The following SGCZ variants were observed in gnomAD, a reference collection of about 807,000 sequenced individuals.
SGCZ encodes sarcoglycan zeta.
A neutral mutation model predicts 41.3 loss-of-function variants in SGCZ; 40 were observed. The ratio of observed to expected loss-of-function variants is 0.97; its 90% CI spans 0.75 to 1.26. SGCZ has a LOEUF of 1.26. Among genes scored for constraint, SGCZ ranks in the 50% most tolerant of loss-of-function variants. The pLI, the probability that SGCZ is intolerant of heterozygous loss-of-function variation, is 0.00. For missense variants in SGCZ, 552 were observed against 369.8 expected, an observed-to-expected ratio of 1.49 and a Z score of -4.04; for synonymous variants, 206 against 137.5, an observed-to-expected ratio of 1.50 and a Z score of -3.49.
At chr8:14,344,612 G>C (rs887818130) in intron 2 of SGCZ, among the ~76,000 whole-genome samples, 1 of 152,048 alleles carries the variant, frequency 6.6e-6, no homozygotes, top group East Asian at 1.9e-4. Flanking sequence ...GGGAACGAAA[G>C]GCTTAGAAAA....
At chr8:15,189,240 A>C (rs1426207633) in intron 1 of SGCZ, among the ~76,000 whole-genome samples, 1 of 152,350 alleles carries the variant, frequency 6.6e-6, no homozygotes, top group Admixed American at 6.5e-5. Context: ...CAATTTTGTC[A>C]GAAAGTAAAG....
chr8:15,011,850 T>C (rs2130927308), intron 1 of SGCZ, among the ~76,000 whole-genome samples: 1 of 152,336 alleles, frequency 6.6e-6, no homozygotes, highest in South Asian at 2.1e-4. Context: ...TGGTGGCTTT[T>C]AAAATCACAA....
intron 2 of SGCZ, among the ~76,000 whole-genome samples, chr8:14,529,730 A>G (rs1158860983): frequency 6.6e-6 from 1 of 152,098 alleles, no homozygotes; most frequent in Non-Finnish European, 1.5e-5. Flanking sequence ...CAATTTTAGC[A>G]ACTACTGTAT....
At chr8:15,160,113 G>C (rs1186978649) in intron 1 of SGCZ, among the ~76,000 whole-genome samples, 1 of 152,016 alleles carries the variant, frequency 6.6e-6, no homozygotes, top group African/African-American at 2.4e-5. Flanking sequence ...TGTATAACCA[G>C]TCTCCAAAAC....
At chr8:14,565,813 A>G (rs985088313) in intron 1 of SGCZ, among the ~76,000 whole-genome samples, 2 of 152,174 alleles carry the variant, frequency 1.3e-5, no homozygotes, top group African/African-American at 4.8e-5. Flanking sequence ...GATGGCTTCC[A>G]TAACACTGAT....
At chr8:14,596,392 T>C (rs1326731677) in intron 1 of SGCZ, among the ~76,000 whole-genome samples, 1 of 152,136 alleles carries the variant, frequency 6.6e-6, no homozygotes, top group African/African-American at 2.4e-5. Context: ...TGAACGACAA[T>C]TTATCACTCG....
chr8:14,473,830 C>G (rs112022642), intron 2 of SGCZ, among the ~76,000 whole-genome samples: 62,411 of 150,812 alleles, frequency 0.41, 14,060 homozygotes, highest in Non-Finnish European at 0.51. Flanking sequence ...CCCAGCTACT[C>G]GGGAAGCTGA....
intron 1 of SGCZ, among the ~76,000 whole-genome samples, chr8:14,847,917 C>G (rs978761913): frequency 6.6e-6 from 1 of 150,776 alleles, no homozygotes; most frequent in Non-Finnish European, 1.5e-5. Context: ...GCAACACAAA[C>G]AAACAGAAGG....
intron 1 of SGCZ, among the ~76,000 whole-genome samples, chr8:14,679,506 T>TTA (rs1453706871): frequency 3.1e-5 from 3 of 97,078 alleles, no homozygotes; most frequent in African/African-American, 9.0e-5. Flanking sequence ...TACATATATA[T>TTA]TATATATATA....
At chr8:15,225,997 C>T (rs569784946) in intron 1 of SGCZ, among the ~76,000 whole-genome samples, 1 of 152,278 alleles carries the variant, frequency 6.6e-6, no homozygotes, top group Admixed American at 6.5e-5. Context: ...CATAGAACAG[C>T]TAAACGCAGC....
intron 1 of SGCZ, among the ~76,000 whole-genome samples, chr8:14,764,903 AC>A (rs1292824682): frequency 6.6e-6 from 1 of 152,230 alleles, no homozygotes; most frequent in Admixed American, 6.5e-5. Context: ...TTTACATCTT[AC>A]TTTTAAATGG....
intron 4 of SGCZ, among the ~76,000 whole-genome samples, chr8:14,220,677 C>G (rs1336305790): frequency 6.6e-6 from 1 of 152,092 alleles, no homozygotes; most frequent in Admixed American, 6.5e-5. Flanking sequence ...GTCCCAGCTA[C>G]TCGGGAGGCT....
At chr8:14,627,391 T>A (rs976279094) in intron 1 of SGCZ, among the ~76,000 whole-genome samples, 6 of 152,120 alleles carry the variant, frequency 3.9e-5, no homozygotes, top group African/African-American at 1.4e-4. Flanking sequence ...TGAGAACATC[T>A]AATACCTAAT....
intron 1 of SGCZ, among the ~76,000 whole-genome samples, chr8:14,773,847 G>C (rs1800319404): frequency 6.6e-6 from 1 of 152,188 alleles, no homozygotes; most frequent in South Asian, 2.1e-4. Flanking sequence ...ACCAAGGCAA[G>C]AAGGGAAGTG....
At chr8:14,236,006 T>C (rs1486987385) in intron 4 of SGCZ, among the ~76,000 whole-genome samples, 1 of 152,188 alleles carries the variant, frequency 6.6e-6, no homozygotes, top group African/African-American at 2.4e-5. Context: ...TTGACATTTC[T>C]ACTAAGAACT....
intron 1 of SGCZ, among the ~76,000 whole-genome samples, chr8:15,043,456 G>A (rs997678288): frequency 1.3e-5 from 2 of 151,902 alleles, no homozygotes; most frequent in South Asian, 4.2e-4. Flanking sequence ...AATAGAGTGG[G>A]TTGTTTTTGG....
At chr8:15,179,843 C>G (rs746768169) in intron 1 of SGCZ, among the ~76,000 whole-genome samples, 2 of 152,052 alleles carry the variant, frequency 1.3e-5, no homozygotes, top group Non-Finnish European at 2.9e-5. Flanking sequence ...GTACTTTTCT[C>G]AAACAGAATA....
chr8:14,246,492 T>C (rs1434769763), intron 3 of SGCZ, among the ~76,000 whole-genome samples: 1 of 151,704 alleles, frequency 6.6e-6, no homozygotes, highest in Non-Finnish European at 1.5e-5. Flanking sequence ...ATATACCTAA[T>C]GCTAAATGAC....
chr8:14,910,343 C>T (rs1799246726), intron 1 of SGCZ, among the ~76,000 whole-genome samples: 1 of 151,926 alleles, frequency 6.6e-6, no homozygotes, highest in African/African-American at 2.4e-5. Flanking sequence ...TCTCACAGTA[C>T]CATTTAATAC....
Sources: gnomAD v4.1 joint callset for allele counts (sites outside exome capture counted in the v4.1 genomes callset) on GRCh38, gnomAD v4.1.1 for gene constraint, MANE v1.5 for transcripts, NCBI Gene and HGNC (gene_info 2026-07-23, HGNC 2026-07-21) for gene names.